The following PKP4 variants were observed in gnomAD, a reference collection of about 807,000 sequenced individuals.
The protein encoded by PKP4 is plakophilin 4, also known as plakophilin-4.
In PKP4, 90 loss-of-function variants were observed where a neutral mutation model predicts 145.1. The observed-to-expected ratio is 0.62, with a 90% CI of 0.52 to 0.74. The LOEUF (loss-of-function observed/expected upper bound fraction) is 0.74, where lower values mean the gene tolerates loss of function less well. PKP4 is among the 30% of genes least tolerant of loss of function. The pLI is 0.00. For synonymous variants in PKP4, 563 were observed against 577.2 expected (o/e 0.98, Z 0.35); for missense variants, 1,340 against 1,482.7 (o/e 0.90, Z 1.58).
chr2:158,563,034 T>C (rs190276552), intron 2 of PKP4, among the ~76,000 whole-genome samples: 105 of 152,294 alleles, frequency 6.9e-4, no homozygotes, highest in African/African-American at 2.4e-3. Flanking sequence ...TATTAAATCC[T>C]GTGGAGTTTC....
At chr2:158,495,213 G>A (rs1013478828) in intron 1 of PKP4, among the ~76,000 whole-genome samples, 11 of 151,618 alleles carry the variant, frequency 7.3e-5, no homozygotes, top group South Asian at 4.2e-4. Flanking sequence ...GCAAGACTCC[G>A]TCTCAAAAGA....
At chr2:158,468,897 C>T (rs1336378970) in intron 1 of PKP4, among the ~76,000 whole-genome samples, 3 of 151,288 alleles carry the variant, frequency 2.0e-5, no homozygotes, top group African/African-American at 7.3e-5. Context: ...GCATCAGCCT[C>T]CTGAGTACCT....
chr2:158,555,883 T>G (rs954077844), intron 2 of PKP4, among the ~76,000 whole-genome samples: 2 of 152,202 alleles, frequency 1.3e-5, no homozygotes, highest in Non-Finnish European at 2.9e-5. Flanking sequence ...CAAGTCCAAG[T>G]ATAATCTACT....
Position 158,673,744 on chromosome 2 carries a change from C to T in PKP4, c.2992C>T (p.Arg998Trp), listed in dbSNP as rs2057766975. 3.7e-6 allele frequency: 6 copies of T among 1,611,870 alleles called. No homozygotes were observed. The highest frequency in any genetic ancestry group is 2.2e-5 in the East Asian group (1 of 44,872). Residue 998 changes from arginine (R) to tryptophan (W), a missense_variant, in exon 18 of 22, where the codon CGG becomes TGG. Transcript: ENST00000389759. ...TACATTATGGCAATATCGGGACCTC[C>T]GGAGCATTTATAAAAAGGTAACCTA... ...LNTLWQYRDL[R>W]SIYKKDGWNQ... is the part of the protein sequence containing the mutation.
At chr2:158,657,462 G>A (rs530497920) in intron 11 of PKP4, among the ~76,000 whole-genome samples, 11 of 152,198 alleles carry the variant, frequency 7.2e-5, no homozygotes, top group Admixed American at 6.5e-4. Flanking sequence ...TTTCCAAAAA[G>A]GAATGACAGT....
chr2:158,644,219 G>C (rs1574934853), intron 11 of PKP4, among the ~76,000 whole-genome samples: 1 of 152,184 alleles, frequency 6.6e-6, no homozygotes. Context: ...GGAGGCCTAT[G>C]AACAGACCAA....
chr2:158,603,959 A>G (rs1282840450), intron 4 of PKP4, among the ~76,000 whole-genome samples: 2 of 152,192 alleles, frequency 1.3e-5, no homozygotes, highest in Admixed American at 6.5e-5. Context: ...TACTGCATAC[A>G]AGGCACTTGG....
intron 1 of PKP4, among the ~76,000 whole-genome samples, chr2:158,505,794 G>A (rs895192523): frequency 6.6e-6 from 1 of 152,048 alleles, no homozygotes; most frequent in African/African-American, 2.4e-5. Flanking sequence ...GCCTGGAACT[G>A]CAAGTGTAGA....
At chr2:158,676,606 A>G (rs2058031566) in intron 19 of PKP4, 133 bp from the exon 20 acceptor site, 6 of 1,072,232 alleles carry the variant, frequency 5.6e-6, no homozygotes, top group Non-Finnish European at 8.4e-6. Context: ...AGCACCTCTG[A>G]GATATTTTCA....
chr2:158,614,523 G>A (rs1240795943), intron 4 of PKP4, among the ~76,000 whole-genome samples: 4 of 152,010 alleles, frequency 2.6e-5, no homozygotes, highest in Non-Finnish European at 4.4e-5. Context: ...AATTTTTATC[G>A]AACAAATTAC....
At chr2:158,596,055 C>A (rs754626079) in intron 3 of PKP4, among the ~76,000 whole-genome samples, 20 of 149,376 alleles carry the variant, frequency 1.3e-4, no homozygotes, top group Non-Finnish European at 7.4e-5. Context: ...TAGAAATAGA[C>A]CTTGGAATTG....
Position 158,673,916 on chromosome 2 carries a change from G to A in PKP4, c.3043G>A (p.Val1015Met). 1 of 1,612,784 alleles carries A rather than the reference G, an allele frequency of 6.2e-7. No individual in the cohort carries two copies. The highest frequency in any genetic ancestry group is 1.1e-5 in the South Asian group (1 of 91,058). Residue 1015 changes from valine to methionine, a missense_variant, in exon 19 of 22, where the codon GTG becomes ATG. By Grantham distance (21) the Val-to-Met change is conservative (BLOSUM62 1). Coordinates refer to ENST00000389759, the MANE Select transcript of PKP4 (RefSeq NM_003628.6). ...GAATCAGAACCATTTTATTACACCT[G>A]TGTCGACATTGGAGCGAGACCGATT... Reference protein sequence around the residue: ...GWNQNHFITPVSTLERDRFKS... With the variant: ...GWNQNHFITPMSTLERDRFKS...
chr2:158,548,771 G>A, intron 2 of PKP4: 2 of 294,074 alleles, frequency 6.8e-6, no homozygotes, highest in South Asian at 3.7e-5. Context: ...GCAGAGACTT[G>A]GCCTGGGCTG....
chr2:158,528,931 C>T (rs1236711535), intron 1 of PKP4, among the ~76,000 whole-genome samples: 1 of 152,160 alleles, frequency 6.6e-6, no homozygotes, highest in Non-Finnish European at 1.5e-5. Context: ...ATTCTGAAAA[C>T]TCCTGAGGAA....
At chr2:158,538,373 A>T (rs1027151373) in intron 2 of PKP4, among the ~76,000 whole-genome samples, 1 of 152,140 alleles carries the variant, frequency 6.6e-6, no homozygotes, top group African/African-American at 2.4e-5. Context: ...CATGGCTAGG[A>T]TTTGCAAGTA....
intron 1 of PKP4, among the ~76,000 whole-genome samples, chr2:158,506,722 G>T (rs2041013594): frequency 6.6e-6 from 1 of 151,972 alleles, no homozygotes; most frequent in African/African-American, 2.4e-5. Context: ...TTTATGAATT[G>T]GAATATTCTA....
intron 3 of PKP4, among the ~76,000 whole-genome samples, chr2:158,585,012 T>C (rs1449159185): frequency 6.6e-6 from 1 of 152,124 alleles, no homozygotes; most frequent in Non-Finnish European, 1.5e-5. Flanking sequence ...TATATTGAAG[T>C]AAAAAATATA....
chr2:158,606,533 A>G (rs79796718), intron 4 of PKP4, among the ~76,000 whole-genome samples: 381 of 152,320 alleles, frequency 2.5e-3, no homozygotes, highest in Non-Finnish European at 4.6e-3. Flanking sequence ...AATGTAATAT[A>G]TACTCATCAA....
At chr2:158,458,778 G>A (rs537720708) in intron 1 of PKP4, among the ~76,000 whole-genome samples, 9 of 152,238 alleles carry the variant, frequency 5.9e-5, no homozygotes, top group African/African-American at 1.9e-4. Context: ...GCACTGTTCG[G>A]TCAGCGATGG....
Sources: gnomAD v4.1 joint callset for allele counts (sites outside exome capture counted in the v4.1 genomes callset) on GRCh38, gnomAD v4.1.1 for gene constraint, MANE v1.5 for transcripts, NCBI Gene and HGNC (gene_info 2026-07-23, HGNC 2026-07-21) for gene names.